The following SERGEF variants were observed in gnomAD, a reference collection of about 807,000 sequenced individuals.
SERGEF encodes the protein secretion regulating guanine nucleotide exchange factor.
In SERGEF, 51 loss-of-function variants were observed where a neutral mutation model predicts 50.0. The ratio of observed to expected loss-of-function variants is 1.02; its 90% CI spans 0.81 to 1.29. SERGEF has a LOEUF of 1.29. Among genes scored for constraint, SERGEF ranks in the 50% most tolerant of loss-of-function variants. The pLI, the probability that SERGEF is intolerant of heterozygous loss-of-function variation, is 0.00. For synonymous variants in SERGEF, 205 were observed against 212.4 expected (o/e 0.97, Z 0.30); for missense variants, 521 against 557.0 (o/e 0.94, Z 0.65).
chr11:17,972,047 T>G (rs1292751772), intron 8 of SERGEF, among the ~76,000 whole-genome samples: 1 of 152,162 alleles, frequency 6.6e-6, no homozygotes, highest in Non-Finnish European at 1.5e-5. Context: ...GGTGACTGAG[T>G]TGCTGCAATC....
chr11:17,934,889 A>C (rs768247925), intron 9 of SERGEF, among the ~76,000 whole-genome samples: 1 of 152,166 alleles, frequency 6.6e-6, no homozygotes, highest in Non-Finnish European at 1.5e-5. Context: ...CTTCAAATCC[A>C]TATCTAAGCA....
rs977020462 is a variant in SERGEF, at chr11:17,872,599, A to G, written c.1048+5609T>C. On this transcript the variant is annotated intron_variant, in intron 10 of 10. Transcript: ENST00000265965. ...ATTTTGAAGTACATTGCAAAATTAC[A>G]AATACATTTATACTTTGACACAGTA... 3.3e-5 allele frequency among the ~76,000 whole-genome samples: 5 copies of G among 152,250 alleles called. No individual in the cohort carries two copies. In the East Asian group the frequency reaches 9.6e-4, roughly 29 times the overall value.
At chr11:17,899,999 T>A (rs892443956) in intron 9 of SERGEF, among the ~76,000 whole-genome samples, 1 of 151,468 alleles carries the variant, frequency 6.6e-6, no homozygotes, top group African/African-American at 2.4e-5. Context: ...ATGTACTATA[T>A]GTCAGGCAAT....
chr11:17,955,904 C>T (rs1255999605), intron 9 of SERGEF, among the ~76,000 whole-genome samples: 1 of 152,198 alleles, frequency 6.6e-6, no homozygotes, highest in African/African-American at 2.4e-5. Flanking sequence ...GATTAGAGAC[C>T]TTAGCTATGA....
At chr11:17,828,188 T>C (rs773024351) in intron 10 of SERGEF, among the ~76,000 whole-genome samples, 29 of 152,332 alleles carry the variant, frequency 1.9e-4, no homozygotes, top group Non-Finnish European at 3.5e-4. Flanking sequence ...AGTCGGGAAG[T>C]TGATGTAATC....
In SERGEF at chr11:17,959,484, T is replaced by G; in HGVS notation, c.997A>C (p.Thr333Pro). The change falls in exon 9 of 11, where the codon ACT (threonine) becomes CCT (proline). Residue 333 changes from threonine to proline, a missense_variant. By Grantham distance (38) the Thr-to-Pro change is conservative. Coordinates refer to ENST00000265965, the MANE Select transcript of SERGEF (RefSeq NM_012139.4). ...TCACTTCCTACCTCAGTTGCTCCAG[T>G]TAAGCAATGCGGAGACGAAGGCATG... ...NSMPSSPHCLTGATEVSCGSE... is the reference protein window; with the variant it reads ...NSMPSSPHCLPGATEVSCGSE... The G allele has an allele frequency of 1.2e-6, 2 of 1,613,514 alleles. No homozygotes were observed. The highest frequency in any genetic ancestry group is 1.7e-6 in the Non-Finnish European group (2 of 1,179,812).
chr11:17,922,341 C>T (rs1852174014), intron 9 of SERGEF, among the ~76,000 whole-genome samples: 1 of 152,168 alleles, frequency 6.6e-6, no homozygotes, highest in Non-Finnish European at 1.5e-5. Context: ...TAGGATTATT[C>T]ATCAAGGTAC....
chr11:17,935,572 T>G (rs1852435314), intron 9 of SERGEF, among the ~76,000 whole-genome samples: 1 of 152,180 alleles, frequency 6.6e-6, no homozygotes. Flanking sequence ...TTACAGATGT[T>G]AAAAGAAGGC....
chr11:17,927,680 T>G (rs1481119011), intron 9 of SERGEF, among the ~76,000 whole-genome samples: 1 of 152,216 alleles, frequency 6.6e-6, no homozygotes, highest in African/African-American at 2.4e-5. Context: ...CATTTAGCAA[T>G]TTCCTTGCTA....
chr11:17,852,050 C>G (rs900440489), intron 10 of SERGEF, among the ~76,000 whole-genome samples: 1 of 152,220 alleles, frequency 6.6e-6, no homozygotes. Flanking sequence ...TTCATTCCCA[C>G]AGCTTGGAGA....
At chr11:17,815,990 T>C (rs1849968065) in intron 10 of SERGEF, among the ~76,000 whole-genome samples, 1 of 152,216 alleles carries the variant, frequency 6.6e-6, no homozygotes, top group African/African-American at 2.4e-5. Context: ...ATGTTTTTGC[T>C]AGTTAATGAG....
chr11:17,808,718 T>G (rs1206706790), intron 10 of SERGEF, among the ~76,000 whole-genome samples: 1 of 152,228 alleles, frequency 6.6e-6, no homozygotes, highest in Non-Finnish European at 1.5e-5. Flanking sequence ...TATAGGCCCC[T>G]ACACCTTGTA....
At chr11:17,938,276 A>C (rs562347040) in intron 9 of SERGEF, among the ~76,000 whole-genome samples, 1 of 152,302 alleles carries the variant, frequency 6.6e-6, no homozygotes, top group South Asian at 2.1e-4. Flanking sequence ...TTGACCCACC[A>C]TTGGGTTTGG....
chr11:17,807,506 C>T (rs1849783515), intron 10 of SERGEF, among the ~76,000 whole-genome samples: 1 of 152,230 alleles, frequency 6.6e-6, no homozygotes, highest in African/African-American at 2.4e-5. Context: ...CTGTGGCTCA[C>T]CCAGGGGGTA....
intron 10 of SERGEF, among the ~76,000 whole-genome samples, chr11:17,823,504 G>A (rs1016818008): frequency 2.0e-5 from 3 of 152,082 alleles, no homozygotes; most frequent in Non-Finnish European, 4.4e-5. Context: ...AGTGTCAAAG[G>A]ACATCCCAAG....
chr11:17,940,645 C>T (rs1852544419), intron 9 of SERGEF, among the ~76,000 whole-genome samples: 1 of 152,144 alleles, frequency 6.6e-6, no homozygotes, highest in African/African-American at 2.4e-5. Flanking sequence ...ATGATCATCG[C>T]TCACTGCAGC....
At chr11:17,841,870 A>C (rs906117829) in intron 10 of SERGEF, among the ~76,000 whole-genome samples, 1 of 152,134 alleles carries the variant, frequency 6.6e-6, no homozygotes, top group Non-Finnish European at 1.5e-5. Context: ...TATGCCTAGA[A>C]AGCTTTCTCT....
intron 9 of SERGEF, among the ~76,000 whole-genome samples, chr11:17,916,482 GC>G (rs1852050368): frequency 6.6e-6 from 1 of 152,166 alleles, no homozygotes; most frequent in South Asian, 2.1e-4. Context: ...GAGGCATTGA[GC>G]CCCACCAGAT....
intron 9 of SERGEF, among the ~76,000 whole-genome samples, chr11:17,953,007 C>T (rs1852799031): frequency 6.6e-6 from 1 of 152,104 alleles, no homozygotes; most frequent in Non-Finnish European, 1.5e-5. Context: ...CTCCCTTGAG[C>T]ACTAATTTGA....
Sources: allele counts gnomAD v4.1 joint callset (sites outside exome capture counted in the v4.1 genomes callset), GRCh38; gene constraint gnomAD v4.1.1; transcripts MANE v1.5; gene names NCBI Gene and HGNC (gene_info 2026-07-23, HGNC 2026-07-21).